Variants in CHD6 observed in about 807,000 individuals in gnomAD.
CHD6 encodes the protein chromodomain helicase DNA binding protein 6.
A neutral mutation model predicts 276.9 loss-of-function variants in CHD6; 50 were observed. The ratio of observed to expected loss-of-function variants is 0.18; its 90% CI spans 0.14 to 0.23. The LOEUF is 0.23. Among genes scored for constraint, CHD6 ranks in the 10% least tolerant of loss-of-function variants. CHD6 has a pLI of 1.00. For synonymous variants in CHD6, 1,173 were observed against 1,229.3 expected (o/e 0.95, Z 0.96); for missense variants, 2,564 against 3,365.8 (o/e 0.76, Z 5.89).
rs2145785627 is a variant in CHD6 at position 41,473,892 on chromosome 20, A to C, written c.2469-375T>G. 6.6e-6 allele frequency among the ~76,000 whole-genome samples: 1 copy of C among 152,372 alleles called. No homozygotes were observed. Among genetic ancestry groups the C allele is most frequent in the East Asian group, 1.9e-4 (1 of 5,194 alleles). On this transcript the variant is annotated intron_variant, in intron 16 of 36. Transcript: ENST00000373233. The surrounding 1 kb of genome is among the most constrained non-coding windows in gnomAD (Gnocchi z 4.1). Reference sequence around the variant, plus strand: ...ATTTAAGCATAAGACCAGGAAAAACAAACAAAAGCCTTTCCCATCTACTTT... The same window carrying C: ...ATTTAAGCATAAGACCAGGAAAAACCAACAAAAGCCTTTCCCATCTACTTT...
intron 2 of CHD6, among the ~76,000 whole-genome samples, chr20:41,546,207 T>C (rs1247908428): frequency 6.6e-6 from 1 of 152,068 alleles, no homozygotes; most frequent in Non-Finnish European, 1.5e-5. Context: ...GGGAAGAAAA[T>C]AAGGTCTAAT....
At chr20:41,564,013 GT>G (rs1197588068) in intron 1 of CHD6, 1 of 775,968 alleles carries the variant, frequency 1.3e-6, no homozygotes, top group Admixed American at 1.7e-5. Context: ...AGCAGTACCT[GT>G]AGACTTGGGA....
At chr20:41,562,399 T>C (rs2045310793) in intron 1 of CHD6, among the ~76,000 whole-genome samples, 1 of 152,226 alleles carries the variant, frequency 6.6e-6, no homozygotes, top group South Asian at 2.1e-4. Flanking sequence ...GAAAGGCTTC[T>C]GTAACAGTTT....
At chr20:41,519,284 AAAACAAAC>A (rs142288908) in intron 3 of CHD6, among the ~76,000 whole-genome samples, 7 of 151,538 alleles carry the variant, frequency 4.6e-5, no homozygotes, top group African/African-American at 1.7e-4. Flanking sequence ...CCCTGTCTCA[AAAACAAAC>A]AAACAAACAA....
In CHD6 at chr20:41,533,060, T is replaced by C. The variant is rs1297407114; in HGVS notation, c.544A>G (p.Arg182Gly). 4 of 1,593,432 alleles carry C rather than the reference T, an allele frequency of 2.5e-6. No homozygotes were observed. The highest frequency in any genetic ancestry group is 1.1e-5 in the South Asian group (1 of 87,300). ...GAGAAAGGAACGTACCTGGCCTTCCTGGACTTCGTCCTGGCTGCAGAGTCA... is the reference window on the plus strand; with the variant it reads ...GAGAAAGGAACGTACCTGGCCTTCCCGGACTTCGTCCTGGCTGCAGAGTCA... ...CTDSAARTKS[R>G]KASKEQGPTP... is the part of the protein sequence containing the mutation. The change falls in exon 3 of 37, where the codon AGG becomes GGG. Residue 182 changes from arginine (R) to glycine (G), a missense_variant. By Grantham distance (125) the Arg-to-Gly change is moderately radical. This residue lies in a region of CHD6 where 286 missense variants were observed against 297.8 expected (regional missense o/e 0.96). Coordinates refer to ENST00000373233, the MANE Select transcript of CHD6 (RefSeq NM_032221.5).
chr20:41,573,325 T>C (rs1160197309), intron 1 of CHD6, among the ~76,000 whole-genome samples: 1 of 152,256 alleles, frequency 6.6e-6, no homozygotes, highest in Non-Finnish European at 1.5e-5. Context: ...TTACCTAGTA[T>C]AGTGCCTGGC....
At chr20:41,565,902 C>G (rs1223093751) in intron 1 of CHD6, among the ~76,000 whole-genome samples, 1 of 152,054 alleles carries the variant, frequency 6.6e-6, no homozygotes, top group African/African-American at 2.4e-5. Flanking sequence ...AGTGGGAGAA[C>G]AAGTACAAAG....
At position 41,417,254 on chromosome 20, in the gene CHD6, T is replaced by C. The variant is rs1165748097; in HGVS notation, c.6223A>G (p.Thr2075Ala). The change falls in exon 32 of 37, where the codon ACT (threonine) becomes GCT (alanine). Residue 2075 changes from threonine (T) to alanine (A), a missense_variant. Around this residue, in one of 7 missense-constraint regions of CHD6, gnomAD observed 1,024 missense variants for 1,047.9 expected, o/e 0.98. Coordinates refer to ENST00000373233, the MANE Select transcript of CHD6 (RefSeq NM_032221.5). ...GDELQEARAP[T>A]IAQLLQEKTL... ...TTCTCCTGTAGCAGCTGAGCAATAG[T>C]GGGAGCTCGAGCCTCCTGTAGCTCA... 2.5e-6 allele frequency: 4 copies of C among 1,614,176 alleles called. No homozygotes were observed. Among genetic ancestry groups the C allele is most frequent in the Non-Finnish European group, 3.4e-6 (4 of 1,180,020 alleles).
At chr20:41,544,663 A>T (rs2045006192) in intron 2 of CHD6, among the ~76,000 whole-genome samples, 1 of 150,374 alleles carries the variant, frequency 6.7e-6, no homozygotes, top group African/African-American at 2.4e-5. Flanking sequence ...TAAATATTTT[A>T]ATGTTAATAT....
chr20:41,573,099 T>C (rs1195722263), intron 1 of CHD6, among the ~76,000 whole-genome samples: 1 of 152,034 alleles, frequency 6.6e-6, no homozygotes, highest in Non-Finnish European at 1.5e-5. Context: ...TTAGTAGAGA[T>C]GGGGTTTCAC....
chr20:41,412,270 T>G lies in CHD6; in HGVS notation c.7132-7A>C, dbSNP rs367873380. 2 of 1,613,990 alleles carry G rather than the reference T, an allele frequency of 1.2e-6. No homozygotes were observed. Among genetic ancestry groups the G allele is most frequent in the African/African-American group, 1.3e-5 (1 of 75,034 alleles). On this transcript the variant is annotated splice_polypyrimidine_tract_variant and splice_region_variant and intron_variant, in intron 35 of 36. Transcript: ENST00000373233. The stretch of plus-strand genomic sequence containing the variant: ...TTGGTTTGTCTGAAAAATTCTAGGA[T>G]GAAAACGGAGACCAATATTACAAAA...
rs1293829725 is a variant in CHD6 at position 41,450,928 on chromosome 20, G to C, written c.3683+18C>G. 1.2e-6 allele frequency: 2 copies of C among 1,603,444 alleles called. No homozygotes were observed. The highest frequency in any genetic ancestry group is 3.4e-5 in the Admixed American group (2 of 59,608). ...TGAGCCGGGCTGCCACCAGGGTATG[G>C]GGAGGAGGGACACTCACTTGTTGCA... On this transcript the variant is annotated intron_variant, in intron 23 of 36. Coordinates refer to ENST00000373233, the MANE Select transcript of CHD6 (RefSeq NM_032221.5).
Position 41,413,356 on chromosome 20 carries a change from C to A in CHD6, c.7099G>T (p.Asp2367Tyr). Reference sequence around the variant, plus strand: ...AAGCCAGGAACTTCTAAGGAGTAGTCAGCCTGCTGCCTTAGCCAGTCAAGC... The same window carrying A: ...AAGCCAGGAACTTCTAAGGAGTAGTAAGCCTGCTGCCTTAGCCAGTCAAGC... ...SLLDWLRQQA[D>Y]YSLEVPGFGA... The change falls in exon 35 of 37, where the codon GAC becomes TAC. Residue 2367 changes from aspartate to tyrosine, a missense_variant. By Grantham distance (160) the Asp-to-Tyr change is radical. Transcript: ENST00000373233. 1 of 1,610,718 alleles carries A rather than the reference C, an allele frequency of 6.2e-7. No homozygotes were observed. The highest frequency in any genetic ancestry group is 1.1e-5 in the South Asian group (1 of 90,604).
intron 36 of CHD6, among the ~76,000 whole-genome samples, chr20:41,406,322 A>G (rs1221039370): frequency 6.6e-6 from 1 of 152,236 alleles, no homozygotes; most frequent in Non-Finnish European, 1.5e-5. Flanking sequence ...AGAGTTCTGC[A>G]GTAAAGCACT....
At chr20:41,448,633 T>C (rs1302257361) in intron 23 of CHD6, among the ~76,000 whole-genome samples, 1 of 152,212 alleles carries the variant, frequency 6.6e-6, no homozygotes, top group Non-Finnish European at 1.5e-5. Context: ...GTTATCGTGC[T>C]CTTGGGCATC....
chr20:41,614,002 T>A (rs1452234832), intron 1 of CHD6, among the ~76,000 whole-genome samples: 1 of 150,152 alleles, frequency 6.7e-6, no homozygotes, highest in African/African-American at 2.5e-5. Context: ...AAAACAATCT[T>A]AGAGTATAAA....
In CHD6 at chr20:41,403,344, G is replaced by A. The variant is rs895101552; in HGVS notation, c.*1249C>T. 4.5e-5 allele frequency: 48 copies of A among 1,062,676 alleles called. No homozygotes were observed. Among genetic ancestry groups the A allele is most frequent in the African/African-American group, 6.6e-5 (4 of 61,046 alleles). The allele number at this position is 1,062,676 out of a possible 1,614,324, so 65.8% of individuals were successfully genotyped here. A position where few individuals can be genotyped will look rare whatever the true frequency, so the allele number is the denominator to read the frequency against. Reference sequence around the variant, plus strand: ...GAAGAGTGAGACCATCAGAAGGGACGTTAACATGAAGGTGAAAGGACATGG... The same window carrying A: ...GAAGAGTGAGACCATCAGAAGGGACATTAACATGAAGGTGAAAGGACATGG... On this transcript the variant is annotated 3_prime_UTR_variant, in exon 37 of 37. Transcript: ENST00000373233.
Position 41,404,091 on chromosome 20 carries a change from G to T in CHD6, c.*502C>A. The T allele has an allele frequency of 5.7e-6, 6 of 1,050,730 alleles. No individual in the cohort carries two copies. Among genetic ancestry groups the T allele is most frequent in the Non-Finnish European group, 6.9e-6 (6 of 870,068 alleles). 65.1% of individuals were successfully genotyped at this position (1,050,730 alleles called of 1,614,324 possible). ...TCTATACTACTCACTTAGTAATCAT[G>T]ATAAAATAGGGAAATATTTTAACTC... is the stretch of plus-strand genomic sequence containing the variant. On this transcript the variant is annotated 3_prime_UTR_variant, in exon 37 of 37. Coordinates refer to ENST00000373233, the MANE Select transcript of CHD6 (RefSeq NM_032221.5).
At chr20:41,613,724 T>C (rs2045909929) in intron 1 of CHD6, among the ~76,000 whole-genome samples, 1 of 152,206 alleles carries the variant, frequency 6.6e-6, no homozygotes, top group African/African-American at 2.4e-5. Flanking sequence ...CTTAGTATGT[T>C]TTGTATGCTG....
Sources: gnomAD v4.1 joint callset for allele counts (sites outside exome capture counted in the v4.1 genomes callset) on GRCh38, gnomAD v4.1.1 for gene constraint, gnomAD v4.1.1 regional missense constraint, Gnocchi (gnomAD v3.1) non-coding constraint, MANE v1.5 for transcripts, NCBI Gene and HGNC (gene_info 2026-07-23, HGNC 2026-07-21) for gene names.